EEIG2: variants seen among roughly 807,000 people sequenced by gnomAD.
EEIG2 encodes the protein family with sequence similarity 102 member B.
chr1:108,615,986 A>T, the EEIG2 span, among the ~76,000 whole-genome samples: 1 of 152,064 alleles, frequency 6.6e-6, no homozygotes, highest in African/African-American at 2.4e-5. Flanking sequence ...CACCCACAGG[A>T]TTATTACTGG....
chr1:108,601,397 C>T, the EEIG2 span, among the ~76,000 whole-genome samples: 1 of 151,864 alleles, frequency 6.6e-6, no homozygotes. Context: ...TGGCCTTGCT[C>T]TTTTCCACGC....
the EEIG2 span, among the ~76,000 whole-genome samples, chr1:108,632,531 G>C: frequency 6.6e-6 from 1 of 152,164 alleles, no homozygotes; most frequent in Non-Finnish European, 1.5e-5. Flanking sequence ...GAACTAGGTA[G>C]AAAAGTAACA....
chr1:108,594,227 A>G, the EEIG2 span, among the ~76,000 whole-genome samples: 6 of 152,228 alleles, frequency 3.9e-5, no homozygotes, highest in Non-Finnish European at 8.8e-5. Context: ...TTAAGGAGAC[A>G]GGAGCAAGAA....
At chr1:108,580,145 T>C in the EEIG2 span, among the ~76,000 whole-genome samples, 9 of 152,154 alleles carry the variant, frequency 5.9e-5, no homozygotes, top group Non-Finnish European at 1.3e-4. Context: ...TTTCAAACTT[T>C]TTCATTATTG....
At chr1:108,566,998 G>C in the EEIG2 span, among the ~76,000 whole-genome samples, 1 of 151,954 alleles carries the variant, frequency 6.6e-6, no homozygotes, top group Non-Finnish European at 1.5e-5. Flanking sequence ...GATCATAAGT[G>C]TTCTCCAACA....
the EEIG2 span, chr1:108,606,354 G>T: frequency 1.4e-6 from 1 of 724,008 alleles, no homozygotes; most frequent in Non-Finnish European, 2.1e-6. Flanking sequence ...ATCTGTTCAA[G>T]CTTGGCTCTT....
At chr1:108,623,224 A>G in the EEIG2 span, among the ~76,000 whole-genome samples, 2 of 152,200 alleles carry the variant, frequency 1.3e-5, no homozygotes, top group Non-Finnish European at 2.9e-5. Flanking sequence ...CTGTCATCCC[A>G]GCACTTTGAG....
the EEIG2 span, among the ~76,000 whole-genome samples, chr1:108,594,639 GTAA>G: frequency 6.6e-6 from 1 of 152,166 alleles, no homozygotes; most frequent in Admixed American, 6.5e-5. Context: ...AACAATGCCT[GTAA>G]TAATAATCAC....
At chr1:108,615,490 C>T in the EEIG2 span, among the ~76,000 whole-genome samples, 1 of 151,950 alleles carries the variant, frequency 6.6e-6, no homozygotes, top group Admixed American at 6.6e-5. Flanking sequence ...AGCTTTAAAT[C>T]CTGGTTGGGC....
At chr1:108,566,256 TA>T in the EEIG2 span, among the ~76,000 whole-genome samples, 1 of 152,304 alleles carries the variant, frequency 6.6e-6, no homozygotes, top group Non-Finnish European at 1.5e-5. Context: ...TAAACTACAA[TA>T]AACATCCTTA....
At chr1:108,576,921 A>G in the EEIG2 span, among the ~76,000 whole-genome samples, 2 of 151,972 alleles carry the variant, frequency 1.3e-5, no homozygotes, top group African/African-American at 4.8e-5. Flanking sequence ...CAACAGTGTA[A>G]GAGTGTTCCT....
chr1:108,622,582 T>C, the EEIG2 span, among the ~76,000 whole-genome samples: 3 of 152,156 alleles, frequency 2.0e-5, no homozygotes, highest in Non-Finnish European at 2.9e-5. Flanking sequence ...ACAGAGAGAA[T>C]ACAAGAAGAA....
chr1:108,618,032 G>C, the EEIG2 span, among the ~76,000 whole-genome samples: 1 of 152,040 alleles, frequency 6.6e-6, no homozygotes, highest in South Asian at 2.1e-4. Context: ...TCTTATGAGG[G>C]GTTTTGCTAT....
the EEIG2 span, among the ~76,000 whole-genome samples, chr1:108,610,631 T>G: frequency 6.6e-6 from 1 of 152,088 alleles, no homozygotes; most frequent in African/African-American, 2.4e-5. Context: ...TTTGCCCCTC[T>G]AAGAGAGGCA....
chr1:108,589,783 C>CTTTTT, the EEIG2 span, among the ~76,000 whole-genome samples: 22 of 85,138 alleles, frequency 2.6e-4, no homozygotes, highest in African/African-American at 5.7e-4. Context: ...GTCTTTTGTC[C>CTTTTT]TTTTTTTTTT....
the EEIG2 span, among the ~76,000 whole-genome samples, chr1:108,621,527 G>A: frequency 1.9e-4 from 29 of 152,294 alleles, no homozygotes; most frequent in East Asian, 4.6e-3. Flanking sequence ...CAAATTGAAG[G>A]TGTTGCTTAA....
At chr1:108,601,675 A>G in the EEIG2 span, among the ~76,000 whole-genome samples, 1 of 152,184 alleles carries the variant, frequency 6.6e-6, no homozygotes, top group African/African-American at 2.4e-5. Context: ...TAATTTTAAA[A>G]ATAAACAACC....
the EEIG2 span, among the ~76,000 whole-genome samples, chr1:108,586,672 G>GAA: frequency 2.0e-5 from 3 of 152,066 alleles, no homozygotes; most frequent in African/African-American, 7.2e-5. Flanking sequence ...TGCCAGGGCA[G>GAA]AAAATAGTGA....
the EEIG2 span, among the ~76,000 whole-genome samples, chr1:108,566,532 A>G: frequency 4.6e-5 from 7 of 152,204 alleles, no homozygotes; most frequent in Non-Finnish European, 1.0e-4. Flanking sequence ...TTCTGGGTAT[A>G]CATTCGAAGG....
Sources: gnomAD v4.1 joint callset for allele counts (sites outside exome capture counted in the v4.1 genomes callset) on GRCh38, gnomAD v4.1.1 for gene constraint, MANE v1.5 for transcripts, NCBI Gene and HGNC (gene_info 2026-07-23, HGNC 2026-07-21) for gene names.